ASTN2: variants seen among roughly 807,000 people sequenced by gnomAD.
The protein encoded by ASTN2 is astrotactin 2.
ASTN2 carries 54 observed loss-of-function variants against 139.8 expected under a neutral mutation model. The ratio of observed to expected loss-of-function variants is 0.39; its 90% CI spans 0.31 to 0.48. The LOEUF (loss-of-function observed/expected upper bound fraction) is 0.48. Ranked by LOEUF, ASTN2 falls within the 20% of genes least tolerant of loss-of-function variation. The pLI is 0.95. For synonymous variants in ASTN2, 756 were observed against 719.5 expected, an observed-to-expected ratio of 1.05 and a Z score of -0.81; for missense variants, 1,565 against 1,725.1, an observed-to-expected ratio of 0.91 and a Z score of 1.64.
chr9:117,400,460 A>G (rs1830795947), intron 1 of ASTN2, among the ~76,000 whole-genome samples: 1 of 152,206 alleles, frequency 6.6e-6, no homozygotes, highest in African/African-American at 2.4e-5. Context: ...AGGTCAGGAC[A>G]ATAAAAGAGA....
intron 19 of ASTN2, among the ~76,000 whole-genome samples, chr9:116,570,386 T>A (rs1021275202): frequency 7.7e-5 from 11 of 143,754 alleles, no homozygotes; most frequent in African/African-American, 3.1e-4. Flanking sequence ...ACATGAGGGC[T>A]TTTAGTCTCT....
At chr9:116,950,022 A>G (rs1427234228) in intron 10 of ASTN2, among the ~76,000 whole-genome samples, 1 of 151,010 alleles carries the variant, frequency 6.6e-6, no homozygotes, top group Non-Finnish European at 1.5e-5. Flanking sequence ...AGTATCAGTT[A>G]TGAGTTTGAA....
chr9:117,111,219 C>G (rs1829240452), intron 4 of ASTN2, among the ~76,000 whole-genome samples: 1 of 152,180 alleles, frequency 6.6e-6, no homozygotes, highest in Admixed American at 6.5e-5. Context: ...AAGTTTCATT[C>G]ATTCCCAAGG....
chr9:116,446,802 T>C (rs1011841876), intron 20 of ASTN2, among the ~76,000 whole-genome samples: 1 of 152,210 alleles, frequency 6.6e-6, no homozygotes, highest in African/African-American at 2.4e-5. Context: ...TGGTATGAGA[T>C]CTTGCATACC....
chr9:116,570,953 A>C (rs1853480634), intron 19 of ASTN2, among the ~76,000 whole-genome samples: 1 of 152,218 alleles, frequency 6.6e-6, no homozygotes, highest in Admixed American at 6.5e-5. Context: ...ATATTTTTAA[A>C]AGGAAGAAGG....
intron 17 of ASTN2, among the ~76,000 whole-genome samples, chr9:116,625,025 T>C (rs111572230): frequency 0.022 from 3,336 of 152,266 alleles, 127 homozygotes; most frequent in African/African-American, 0.076. Context: ...AGAAAATGTG[T>C]GTGCATGTTT....
chr9:117,181,713 A>G (rs1190780880), intron 3 of ASTN2, among the ~76,000 whole-genome samples: 1 of 152,166 alleles, frequency 6.6e-6, no homozygotes, highest in Non-Finnish European at 1.5e-5. Context: ...ATATGGAAAA[A>G]TCATGTGTAT....
chr9:116,862,559 C>A (rs1832910169), intron 11 of ASTN2, among the ~76,000 whole-genome samples: 1 of 152,176 alleles, frequency 6.6e-6, no homozygotes, highest in Non-Finnish European at 1.5e-5. Context: ...ACTTCGAAAG[C>A]AATTCTTTCT....
In ASTN2 at chr9:116,775,833, A is replaced by AAGGC. The variant is rs138579572; in HGVS notation, c.2396+29795_2396+29798dup. ...GAAGAAAGGAAGGAAGAAAGGAAGG[A>AAGGC]AGGCAGGCAGGCAGGCAGGCAGGCA... is the stretch of plus-strand genomic sequence containing the variant. On this transcript the variant is annotated intron_variant, in intron 13 of 22. Transcript: ENST00000313400. Among the ~76,000 whole-genome samples the AAGGC allele has an allele frequency of 3.0e-4, 45 of 149,288 alleles. 1 individual carries two copies. Among genetic ancestry groups the AAGGC allele is most frequent in the Admixed American group, 7.3e-4 (11 of 15,006 alleles).
At chr9:116,839,887 T>TATTATTATTATGA (rs1564297225) in intron 11 of ASTN2, among the ~76,000 whole-genome samples, 1 of 91,452 alleles carries the variant, frequency 1.1e-5, no homozygotes, top group African/African-American at 5.4e-5. Context: ...TATTATTTTT[T>TATTATTATTATGA]TTTTTTTAAT....
chr9:117,347,943 A>T (rs1829275838), intron 1 of ASTN2, among the ~76,000 whole-genome samples: 1 of 152,252 alleles, frequency 6.6e-6, no homozygotes, highest in African/African-American at 2.4e-5. Flanking sequence ...AACCCTGTGC[A>T]TGCTGCTTAG....
In ASTN2 at chr9:116,948,698, A is replaced by AGTGTGTGT. The variant is rs112233837; in HGVS notation, c.1889+26502_1889+26509dup. ...AGATAGAGTTTGACTTATATGTGTG[A>AGTGTGTGT]GTGTGTGTGTGTGTGTGTGTGTGTG... is the stretch of plus-strand genomic sequence containing the variant. On this transcript the variant is annotated intron_variant, in intron 10 of 22. Transcript: ENST00000313400. Among the ~76,000 whole-genome samples the AGTGTGTGT allele has an allele frequency of 1.4e-3, 186 of 135,346 alleles. 1 individual carries two copies. The highest frequency in any genetic ancestry group is 2.3e-3 in the Non-Finnish European group (149 of 64,512). 88.8% of individuals were successfully genotyped at this position (135,346 alleles called of 152,430 possible). A position where few individuals can be genotyped will look rare whatever the true frequency, so the allele number is the denominator to read the frequency against.
rs534966160 is a variant in ASTN2 at position 117,317,786 on chromosome 9, C to G, written c.443-26273G>C. 2.6e-5 allele frequency among the ~76,000 whole-genome samples: 4 copies of G among 152,220 alleles called. No individual in the cohort carries two copies. The South Asian group carries it at 8.3e-4, about 32-fold the overall frequency. On this transcript the variant is annotated intron_variant, in intron 1 of 22. Transcript: ENST00000313400. ...CAGGAAAAACTGATGAGAGGATGCC[C>G]CAGAGAGCCCAGCCCTCTACACAGT...
chr9:117,005,080 A>ATTGTTTTT (rs1837315035), intron 7 of ASTN2, among the ~76,000 whole-genome samples: 2 of 74,664 alleles, frequency 2.7e-5, no homozygotes, highest in Admixed American at 2.1e-4. Flanking sequence ...CCTGTAGTCG[A>ATTGTTTTT]TTTTTTTTTT....
intron 11 of ASTN2, among the ~76,000 whole-genome samples, chr9:116,825,514 A>C (rs1156437629): frequency 6.6e-6 from 1 of 152,224 alleles, no homozygotes; most frequent in Non-Finnish European, 1.5e-5. Flanking sequence ...GAGGAACCAG[A>C]ATAATAAGTA....
At chr9:116,469,897 AT>A (rs1316226706) in intron 20 of ASTN2, among the ~76,000 whole-genome samples, 2 of 151,982 alleles carry the variant, frequency 1.3e-5, no homozygotes, top group Non-Finnish European at 2.9e-5. Context: ...TGGGGATGCC[AT>A]TCTGAGGATG....
At position 116,789,397 on chromosome 9, in the gene ASTN2, A is replaced by C. The variant is rs192421562; in HGVS notation, c.2396+16235T>G. ...TGCCTGCTAATTAACTGTCCACTTAATGGGCTCCTCTGAGGATCTCAGGCA... is the reference window on the plus strand; with the variant it reads ...TGCCTGCTAATTAACTGTCCACTTACTGGGCTCCTCTGAGGATCTCAGGCA... On this transcript the variant is annotated intron_variant, in intron 13 of 22. Transcript: ENST00000313400. Among the ~76,000 whole-genome samples, 384 of 152,320 alleles carry C rather than the reference A, an allele frequency of 2.5e-3. 2 individuals carry two copies. The highest frequency in any genetic ancestry group is 0.01 in the Middle Eastern group (3 of 294).
intron 2 of ASTN2, among the ~76,000 whole-genome samples, chr9:117,226,802 G>T (rs766296029): frequency 6.6e-6 from 1 of 152,120 alleles, no homozygotes; most frequent in Non-Finnish European, 1.5e-5. Context: ...TGAAATGTTC[G>T]GTGTGTCTGG....
At chr9:116,608,742 T>C (rs1255625109) in intron 19 of ASTN2, among the ~76,000 whole-genome samples, 1 of 152,120 alleles carries the variant, frequency 6.6e-6, no homozygotes, top group African/African-American at 2.4e-5. Context: ...TTACCTGGCA[T>C]GCAAAGAGGC....
Sources: allele counts gnomAD v4.1 joint callset (sites outside exome capture counted in the v4.1 genomes callset), GRCh38; gene constraint gnomAD v4.1.1; transcripts MANE v1.5; gene names NCBI Gene and HGNC (gene_info 2026-07-23, HGNC 2026-07-21).